Variants in DNAH14 observed in about 807,000 individuals in gnomAD.
DNAH14 encodes dynein axonemal heavy chain 14, also known as axonemal beta dynein heavy chain 14.
DNAH14 carries 478 observed loss-of-function variants against 520.9 expected under a neutral mutation model. The observed-to-expected ratio is 0.92, with a 90% CI of 0.85 to 0.99. The LOEUF is 0.99. Ranked by LOEUF, DNAH14 falls within the 50% of genes least tolerant of loss-of-function variation. DNAH14 has a pLI of 0.00. For missense variants in DNAH14, 4,831 were observed against 5,234.5 expected (o/e 0.92, Z 2.38); for synonymous variants, 1,581 against 1,757.2 (o/e 0.90, Z 2.51).
At chr1:225,097,411 A>G (rs1031502154) in intron 22 of DNAH14, among the ~76,000 whole-genome samples, 172 bp downstream of exon 22, 5 of 152,200 alleles carry the variant, frequency 3.3e-5, no homozygotes, top group Non-Finnish European at 2.9e-5. Flanking sequence ...GATTATGAAC[A>G]TCATTTTTGT....
chr1:225,259,097 A>C, intron 45 of DNAH14, 24 bp from the exon 46 acceptor site: 2 of 1,534,492 alleles, frequency 1.3e-6, no homozygotes, highest in Non-Finnish European at 1.8e-6. Context: ...ATATACATCT[A>C]ACCTTGTGTA....
intron 17 of DNAH14, among the ~76,000 whole-genome samples, chr1:225,077,178 G>A (rs1383590684): frequency 6.6e-6 from 1 of 152,046 alleles, no homozygotes; most frequent in Non-Finnish European, 1.5e-5. Flanking sequence ...AGATAATCTT[G>A]CAGTTGTTTT....
chr1:225,121,572 A>G (rs888820782), intron 26 of DNAH14, among the ~76,000 whole-genome samples: 4 of 152,146 alleles, frequency 2.6e-5, no homozygotes, highest in Admixed American at 1.3e-4. Context: ...TCATGTTGTC[A>G]TAAGTGATAG....
At position 225,360,734 on chromosome 1, in the gene DNAH14, A is replaced by C. The variant is rs1255458829; in HGVS notation, c.11830A>C (p.Thr3944Pro). Residue 3944 changes from threonine to proline, a missense_variant, in exon 75 of 86, where the codon ACA becomes CCA. Coordinates refer to ENST00000682510, the MANE Select transcript of DNAH14 (RefSeq NM_001367479.1). ...LRFAQELKGT[T>P]HHVTIISLGR... ...ATTTGCACAAGAGTTAAAAGGAACA[A>C]CACATCATGTGACCATAATTTCTCT... 6.4e-7 allele frequency: 1 copy of C among 1,551,696 alleles called. No individual in the cohort carries two copies. The highest frequency in any genetic ancestry group is 8.7e-7 in the Non-Finnish European group (1 of 1,146,974).
chr1:225,198,462 C>T (rs1002866410), intron 38 of DNAH14, among the ~76,000 whole-genome samples: 2 of 152,078 alleles, frequency 1.3e-5, no homozygotes, highest in Admixed American at 1.3e-4. Flanking sequence ...TGTGATCTGC[C>T]CACCTCAGCC....
At chr1:225,337,674 C>A (rs143779053) in intron 67 of DNAH14, among the ~76,000 whole-genome samples, 178 bp downstream of exon 67, 124 of 152,272 alleles carry the variant, frequency 8.1e-4, no homozygotes, top group African/African-American at 2.8e-3. Context: ...TCTCTTACAG[C>A]TGTCTTTCAC....
intron 7 of DNAH14, among the ~76,000 whole-genome samples, chr1:224,971,843 A>AT (rs1280410098): frequency 6.6e-6 from 1 of 152,250 alleles, no homozygotes; most frequent in African/African-American, 2.4e-5. Context: ...CATGTAGTGT[A>AT]GATGACTGAG....
intron 34 of DNAH14, among the ~76,000 whole-genome samples, chr1:225,156,974 C>T (rs1223039150): frequency 9.1e-6 from 1 of 109,366 alleles, no homozygotes; most frequent in Non-Finnish European, 1.9e-5. Flanking sequence ...CTCGGCCTCC[C>T]GAAGTGCTGG....
intron 7 of DNAH14, among the ~76,000 whole-genome samples, chr1:224,972,393 T>A (rs1447286369): frequency 1.3e-5 from 2 of 151,990 alleles, no homozygotes; most frequent in African/African-American, 4.8e-5. Flanking sequence ...AAGCTCTGCC[T>A]CCTGGGTTCA....
intron 72 of DNAH14, among the ~76,000 whole-genome samples, 156 bp downstream of exon 72, chr1:225,352,039 CTCA>C (rs1248684322): frequency 1.3e-5 from 2 of 152,062 alleles, no homozygotes; most frequent in African/African-American, 4.8e-5. Flanking sequence ...CATTATAATC[CTCA>C]TAACAATCCC....
At chr1:225,002,301 G>A (rs1399880734) in intron 8 of DNAH14, among the ~76,000 whole-genome samples, 2 of 151,996 alleles carry the variant, frequency 1.3e-5, no homozygotes, top group Non-Finnish European at 2.9e-5. Flanking sequence ...AGTAGAAAAA[G>A]ACAGATAAAA....
intron 41 of DNAH14, among the ~76,000 whole-genome samples, chr1:225,224,723 A>C (rs758048870): frequency 2.6e-4 from 39 of 152,198 alleles, no homozygotes; most frequent in Admixed American, 1.1e-3. Flanking sequence ...ATAGAAAAGC[A>C]GCTATTTGGT....
intron 23 of DNAH14, among the ~76,000 whole-genome samples, chr1:225,102,929 A>G (rs903898096): frequency 6.6e-6 from 1 of 152,152 alleles, no homozygotes; most frequent in Non-Finnish European, 1.5e-5. Context: ...TTTTGTTGCC[A>G]TTGCTTTTGT....
chr1:225,385,771 G>A (rs1464544295), intron 81 of DNAH14, among the ~76,000 whole-genome samples: 3 of 152,132 alleles, frequency 2.0e-5, no homozygotes, highest in Admixed American at 6.5e-5. Flanking sequence ...TCATGGATAC[G>A]AAGAATCAAT....
At chr1:225,219,191 C>T (rs2089775310) in intron 41 of DNAH14, among the ~76,000 whole-genome samples, 1 of 152,158 alleles carries the variant, frequency 6.6e-6, no homozygotes, top group South Asian at 2.1e-4. Context: ...ATGTATATCA[C>T]TAAATGCCCA....
At chr1:225,233,274 G>T (rs1308196785) in intron 42 of DNAH14, among the ~76,000 whole-genome samples, 1 of 152,114 alleles carries the variant, frequency 6.6e-6, no homozygotes, top group East Asian at 1.9e-4. Flanking sequence ...ACATATGTGT[G>T]CGTGTACCTT....
rs1053769228 is a variant in DNAH14, at chr1:225,381,547, T to A, written c.13045T>A (p.Phe4349Ile). Residue 4349 changes from phenylalanine to isoleucine, a missense_variant, in exon 81 of 86, where the codon TTT (phenylalanine) becomes ATT (isoleucine). Phe to Ile is a conservative substitution (Grantham distance 21, BLOSUM62 0). Transcript: ENST00000682510. ...AGAATTGGAGGAAATATTTAACTCT[T>A]TTCTTAATATGAGAGTGCCTACATT... ...TQELEEIFNS[F>I]LNMRVPTLWQ... is the part of the protein sequence containing the mutation. The A allele has an allele frequency of 1.3e-6, 2 of 1,535,650 alleles. No individual in the cohort carries two copies. Among genetic ancestry groups the A allele is most frequent in the Non-Finnish European group, 1.8e-6 (2 of 1,142,316 alleles).
intron 71 of DNAH14, among the ~76,000 whole-genome samples, chr1:225,348,515 A>G (rs2095319902): frequency 6.6e-6 from 1 of 152,218 alleles, no homozygotes; most frequent in African/African-American, 2.4e-5. Flanking sequence ...GAGCTTCTGT[A>G]TGATTACCAG....
intron 1 of DNAH14, among the ~76,000 whole-genome samples, chr1:224,951,921 G>A (rs1481747053): frequency 1.3e-5 from 2 of 152,180 alleles, no homozygotes; most frequent in Non-Finnish European, 2.9e-5. Flanking sequence ...TTACAGGCGT[G>A]AGCCACGGCG....
Sources: allele counts gnomAD v4.1 joint callset (sites outside exome capture counted in the v4.1 genomes callset), GRCh38; gene constraint gnomAD v4.1.1; transcripts MANE v1.5; gene names NCBI Gene and HGNC (gene_info 2026-07-23, HGNC 2026-07-21).